LOC122539214: variants seen among roughly 807,000 people sequenced by gnomAD.
the LOC122539214 span, among the ~76,000 whole-genome samples, chr19:52,673,710 T>C: frequency 4.6e-5 from 7 of 151,820 alleles, no homozygotes; most frequent in Non-Finnish European, 7.4e-5. Flanking sequence ...GGTGACAGAG[T>C]GAGACTCCAA....
At chr19:52,688,712 C>T in the LOC122539214 span, among the ~76,000 whole-genome samples, 1 of 152,046 alleles carries the variant, frequency 6.6e-6, no homozygotes, top group Non-Finnish European at 1.5e-5. Context: ...TGATCATCCT[C>T]TATCTCTATA....
chr19:52,676,075 T>C, the LOC122539214 span, among the ~76,000 whole-genome samples: 1 of 151,928 alleles, frequency 6.6e-6, no homozygotes, highest in African/African-American at 2.4e-5. Flanking sequence ...CACTGCAACC[T>C]CCCTGCCTGA....
the LOC122539214 span, among the ~76,000 whole-genome samples, chr19:52,679,631 A>C: frequency 6.6e-6 from 1 of 152,022 alleles, no homozygotes; most frequent in African/African-American, 2.4e-5. Context: ...TAAATAAAAG[A>C]AAGCATGACA....
chr19:52,665,419 T>G, the LOC122539214 span, among the ~76,000 whole-genome samples: 1 of 151,714 alleles, frequency 6.6e-6, no homozygotes, highest in African/African-American at 2.4e-5. Context: ...AGAAAAAAAG[T>G]GATTAAAAAA....
the LOC122539214 span, among the ~76,000 whole-genome samples, chr19:52,660,435 A>G: frequency 1.3e-5 from 2 of 152,082 alleles, no homozygotes; most frequent in African/African-American, 4.8e-5. Flanking sequence ...CCTGGCCAAC[A>G]TGGTGAAATC....
the LOC122539214 span, among the ~76,000 whole-genome samples, chr19:52,663,189 C>T: frequency 6.6e-6 from 1 of 151,978 alleles, no homozygotes; most frequent in African/African-American, 2.4e-5. Flanking sequence ...AATTCCAGGA[C>T]CATCTGTTAT....
At chr19:52,677,391 C>A in the LOC122539214 span, among the ~76,000 whole-genome samples, 1 of 150,474 alleles carries the variant, frequency 6.6e-6, no homozygotes, top group African/African-American at 2.4e-5. Flanking sequence ...GAGGCTGAGG[C>A]AGGAGAATTG....
the LOC122539214 span, among the ~76,000 whole-genome samples, chr19:52,677,136 GAA>G: frequency 1.4e-5 from 2 of 143,626 alleles, no homozygotes; most frequent in Non-Finnish European, 3.0e-5. Context: ...AAAAAAAAAA[GAA>G]AAAAAGAAAA....
chr19:52,655,539 TC>T, the LOC122539214 span: 6 of 1,472,750 alleles, frequency 4.1e-6, 1 homozygote, highest in South Asian at 5.7e-5. Context: ...ATTCCTCACA[TC>T]AGGAGGGACA....
chr19:52,668,109 CAA>C, the LOC122539214 span, among the ~76,000 whole-genome samples: 1 of 152,144 alleles, frequency 6.6e-6, no homozygotes, highest in South Asian at 2.1e-4. Context: ...TCCTTTAAAA[CAA>C]GAGTCTCTCA....
chr19:52,655,299 G>A, the LOC122539214 span: 3 of 336,764 alleles, frequency 8.9e-6, no homozygotes, highest in Non-Finnish European at 1.1e-5. Flanking sequence ...AGGGCTACCA[G>A]GGGCATCTCT....
At chr19:52,666,183 GAGACAGAGAGTC>G in the LOC122539214 span, among the ~76,000 whole-genome samples, 1 of 141,828 alleles carries the variant, frequency 7.1e-6, no homozygotes, top group African/African-American at 2.6e-5. Flanking sequence ...AAAAAAGAAA[GAGACAGAGAGTC>G]AAAGAGAGAG....
chr19:52,655,076 G>C, the LOC122539214 span: 1 of 153,484 alleles, frequency 6.5e-6, no homozygotes. Flanking sequence ...ATTCCAGTTA[G>C]GTTGGGAGGC....
At chr19:52,665,221 A>C in the LOC122539214 span, among the ~76,000 whole-genome samples, 1 of 152,066 alleles carries the variant, frequency 6.6e-6, no homozygotes, top group African/African-American at 2.4e-5. Context: ...CAGAGGGCTC[A>C]GGCCAGGGAG....
the LOC122539214 span, chr19:52,652,281 TA>T: frequency 8.4e-6 from 2 of 236,778 alleles, no homozygotes; most frequent in African/African-American, 4.7e-5. Flanking sequence ...ACTAAAAACA[TA>T]AAAATTAGCC....
chr19:52,676,989 CG>C, the LOC122539214 span, among the ~76,000 whole-genome samples: 4 of 144,722 alleles, frequency 2.8e-5, no homozygotes, highest in East Asian at 7.9e-4. Flanking sequence ...ACAAACACTG[CG>C]GAAGGCCGCA....
chr19:52,686,365 G>A, the LOC122539214 span, among the ~76,000 whole-genome samples: 1 of 151,564 alleles, frequency 6.6e-6, no homozygotes, highest in African/African-American at 2.4e-5. Flanking sequence ...CTGGTTATAG[G>A]ATGCCACAAA....
chr19:52,684,421 C>T, the LOC122539214 span, among the ~76,000 whole-genome samples: 2 of 151,594 alleles, frequency 1.3e-5, no homozygotes, highest in African/African-American at 2.4e-5. Flanking sequence ...TGGTGGCACA[C>T]CCCTATAATC....
chr19:52,682,839 G>T, the LOC122539214 span, among the ~76,000 whole-genome samples: 1 of 152,112 alleles, frequency 6.6e-6, no homozygotes, highest in East Asian at 1.9e-4. Flanking sequence ...TTGTACTCCA[G>T]ACCTGGGCCA....
Sources: allele counts gnomAD v4.1 joint callset (sites outside exome capture counted in the v4.1 genomes callset), GRCh38; gene constraint gnomAD v4.1.1; transcripts MANE v1.5.